Variants in ATP5F1C observed in about 807,000 individuals in gnomAD.
ATP5F1C encodes ATP synthase F1 subunit gamma, also known as ATP synthase F(1) complex subunit gamma, mitochondrial.
ATP5F1C carries 22 observed loss-of-function variants against 37.4 expected under a neutral mutation model. That is an observed-to-expected ratio of 0.59 (90% CI 0.42 to 0.84). The LOEUF (loss-of-function observed/expected upper bound fraction) is 0.84, where lower values mean the gene tolerates loss of function less well. Ranked by LOEUF, ATP5F1C falls within the 40% of genes least tolerant of loss-of-function variation. The pLI is 0.00. For synonymous variants in ATP5F1C, 121 were observed against 128.0 expected, an observed-to-expected ratio of 0.95 and a Z score of 0.37; for missense variants, 286 against 362.4, an observed-to-expected ratio of 0.79 and a Z score of 1.71.
At position 7,795,944 on chromosome 10, in the gene ATP5F1C, C is replaced by T. The variant is rs887828895; in HGVS notation, c.57-177C>T. On this transcript the variant is annotated intron_variant, in intron 1 of 9. Coordinates refer to ENST00000356708, the MANE Select transcript of ATP5F1C (RefSeq NM_001001973.3). The stretch of plus-strand genomic sequence containing the variant: ...AGGAGGCCTTCAATACAGGGATTTG[C>T]GCCACTACTAAGGGATTTAAATATA... 6.6e-5 allele frequency among the ~76,000 whole-genome samples: 10 copies of T among 152,206 alleles called. No homozygotes were observed. In the South Asian group the frequency reaches 1.7e-3, roughly 25 times the overall value.
intron 8 of ATP5F1C, among the ~76,000 whole-genome samples, chr10:7,806,193 C>A (rs774199082): frequency 6.6e-6 from 1 of 152,212 alleles, no homozygotes; most frequent in Non-Finnish European, 1.5e-5. Context: ...AATGGGTTTG[C>A]ATGCTCTGTA....
chr10:7,800,159 A>G (rs1836328035), intron 6 of ATP5F1C, 68 bp downstream of exon 6: 1 of 1,447,636 alleles, frequency 6.9e-7, no homozygotes. Flanking sequence ...ACTAAGGCAG[A>G]CAGTGTCAAG....
chr10:7,804,208 G>A, intron 8 of ATP5F1C: 1 of 518,462 alleles, frequency 1.9e-6, no homozygotes, highest in South Asian at 1.4e-5. Flanking sequence ...CTTGCTGTGT[G>A]GCCCTTCACC....
In ATP5F1C at chr10:7,807,313, A is replaced by G. The variant is rs576997000; in HGVS notation, c.*30+303A>G. Among the ~76,000 whole-genome samples the G allele has an allele frequency of 3.9e-5, 6 of 152,196 alleles. No individual in the cohort carries two copies. The East Asian group carries it at 7.7e-4, about 20-fold the overall frequency. Reference sequence around the variant, plus strand: ...GGTTGTCACACTTTATGGTCTCTGGACCCCTTAATGTCTGATTCATGTAGC... The same window carrying G: ...GGTTGTCACACTTTATGGTCTCTGGGCCCCTTAATGTCTGATTCATGTAGC... On this transcript the variant is annotated intron_variant, in intron 9 of 9. Coordinates refer to ENST00000356708, the MANE Select transcript of ATP5F1C (RefSeq NM_001001973.3).
At chr10:7,796,007 G>T in intron 1 of ATP5F1C, 114 bp from the exon 2 acceptor site, 1 of 775,962 alleles carries the variant, frequency 1.3e-6, no homozygotes, top group Non-Finnish European at 2.1e-6. Flanking sequence ...GTATTTGATA[G>T]ATTGTTTCTT....
chr10:7,803,865 C>CTT (rs1454357052), intron 8 of ATP5F1C, among the ~76,000 whole-genome samples: 1 of 152,202 alleles, frequency 6.6e-6, no homozygotes, highest in Non-Finnish European at 1.5e-5. Context: ...TTACCATGCT[C>CTT]TTTAAGTTTT....
At chr10:7,794,099 C>G (rs1342203445) in intron 1 of ATP5F1C, among the ~76,000 whole-genome samples, 1 of 152,168 alleles carries the variant, frequency 6.6e-6, no homozygotes, top group East Asian at 1.9e-4. Flanking sequence ...TTGTAAAACA[C>G]ATGGAACATG....
intron 9 of ATP5F1C, 133 bp from the exon 10 acceptor site, chr10:7,807,526 T>G: frequency 9.6e-7 from 1 of 1,037,510 alleles, no homozygotes; most frequent in South Asian, 2.4e-5. Context: ...TTAGAATCAC[T>G]GGTATAGGGT....
intron 1 of ATP5F1C, among the ~76,000 whole-genome samples, chr10:7,790,359 G>A (rs534375138): frequency 6.6e-6 from 1 of 152,028 alleles, no homozygotes. Context: ...TTAGGGTATC[G>A]GCAAAATACT....
intron 8 of ATP5F1C, chr10:7,804,062 G>C (rs1588503863): frequency 1.9e-6 from 1 of 518,742 alleles, no homozygotes; most frequent in East Asian, 5.4e-5. Context: ...TCACAGTAAA[G>C]GCAGACACTA....
At chr10:7,803,321 T>C (rs1054905799) in intron 8 of ATP5F1C, among the ~76,000 whole-genome samples, 4 of 152,136 alleles carry the variant, frequency 2.6e-5, no homozygotes, top group Non-Finnish European at 5.9e-5. Context: ...GTATCTGCAG[T>C]GGATTGGTTC....
chr10:7,804,237 T>C (rs538827598), intron 8 of ATP5F1C: 48 of 518,564 alleles, frequency 9.3e-5, no homozygotes, highest in African/African-American at 8.6e-4. Context: ...TTGCCTATTC[T>C]TGTGACAGTG....
In ATP5F1C at chr10:7,799,183, C is replaced by T; in HGVS notation, c.417C>T (p.Gly139=). 1.9e-6 allele frequency: 3 copies of T among 1,613,554 alleles called. No homozygotes were observed. The highest frequency in any genetic ancestry group is 2.5e-6 in the Non-Finnish European group (3 of 1,179,668). ...MLVGIGDKIR[G]ILYRTHSDQF... is the part of the protein sequence containing the mutation. ...TTGGAATTGGTGACAAAATCAGAGG[C>T]ATACTTTATAGGTAATTTAAATATA... is the stretch of plus-strand genomic sequence containing the variant. The change falls in exon 4 of 10, where the codon GGC becomes GGT. Residue 139 remains glycine, a synonymous_variant. Transcript: ENST00000356708.
intron 2 of ATP5F1C, 94 bp downstream of exon 2, chr10:7,796,249 T>G: frequency 8.9e-7 from 1 of 1,122,360 alleles, no homozygotes; most frequent in South Asian, 1.6e-5. Context: ...TAGCCCATTG[T>G]GTATTTGATC....
chr10:7,797,304 T>A, intron 3 of ATP5F1C, 126 bp downstream of exon 3: 1 of 1,208,994 alleles, frequency 8.3e-7, no homozygotes, highest in East Asian at 2.5e-5. Flanking sequence ...TACTTATTTT[T>A]CATCTACATC....
chr10:7,806,524 GC>G lies in ATP5F1C; in HGVS notation c.891-449del, dbSNP rs1279590350. Among the ~76,000 whole-genome samples the G allele has an allele frequency of 7.9e-5, 12 of 152,130 alleles. No individual in the cohort carries two copies. In the East Asian group the frequency reaches 2.1e-3, roughly 27 times the overall value. On this transcript the variant is annotated intron_variant, in intron 8 of 9. Coordinates refer to ENST00000356708, the MANE Select transcript of ATP5F1C (RefSeq NM_001001973.3). The stretch of plus-strand genomic sequence containing the variant: ...GTACAAAAATTAGCTGGGCGTGGTG[GC>G]GGGCACCTGTAATCCCAGCTACTCG...
intron 1 of ATP5F1C, 150 bp from the exon 2 acceptor site, chr10:7,795,971 G>A (rs768157851): frequency 1.6e-6 from 1 of 607,970 alleles, no homozygotes; most frequent in Middle Eastern, 4.7e-4. Context: ...TTAAATATAT[G>A]TCTATTCATA....
At chr10:7,806,407 C>T (rs1836481204) in intron 8 of ATP5F1C, among the ~76,000 whole-genome samples, 2 of 152,180 alleles carry the variant, frequency 1.3e-5, no homozygotes, top group Non-Finnish European at 2.9e-5. Context: ...GTAATCCCAG[C>T]ACTTTGGGAG....
chr10:7,805,826 C>G (rs1372302729), intron 8 of ATP5F1C, among the ~76,000 whole-genome samples: 1 of 151,370 alleles, frequency 6.6e-6, no homozygotes, highest in Non-Finnish European at 1.5e-5. Context: ...TTGGCTCATG[C>G]TTGTAATCCC....
Sources: allele counts gnomAD v4.1 joint callset (sites outside exome capture counted in the v4.1 genomes callset), GRCh38; gene constraint gnomAD v4.1.1; transcripts MANE v1.5; gene names NCBI Gene and HGNC (gene_info 2026-07-23, HGNC 2026-07-21).